COL23A1: variants seen among roughly 807,000 people sequenced by gnomAD.
COL23A1 encodes the protein collagen type XXIII alpha 1 chain.
In COL23A1, 97 loss-of-function variants were observed where a neutral mutation model predicts 99.3. The ratio of observed to expected loss-of-function variants is 0.98; its 90% CI spans 0.83 to 1.16. The LOEUF (loss-of-function observed/expected upper bound fraction) is 1.16. Ranked by LOEUF, COL23A1 falls within the 50% of genes most tolerant of loss-of-function variation. The probability of loss-of-function intolerance (pLI) is 0.00; values close to 1 mark genes in which losing one functional copy is unlikely to be tolerated. For synonymous variants in COL23A1, 320 were observed against 308.2 expected, an observed-to-expected ratio of 1.04 and a Z score of -0.40; for missense variants, 762 against 757.4, an observed-to-expected ratio of 1.01 and a Z score of -0.07.
Position 178,357,992 on chromosome 5 carries a change from G to GTA in COL23A1, c.362-51074_362-51073insTA, listed in dbSNP as rs1561895493. ...TGTATGTGTATATATGTGTGTATGC[G>GTA]TGTGTGTATATGTATGTGTGTGTAT... is the stretch of plus-strand genomic sequence containing the variant. On this transcript the variant is annotated intron_variant, in intron 2 of 28. Coordinates refer to ENST00000390654, the MANE Select transcript of COL23A1 (RefSeq NM_173465.4). Among the ~76,000 whole-genome samples, 16 of 148,748 alleles carry GTA rather than the reference G, an allele frequency of 1.1e-4. 1 individual carries two copies. The highest frequency in any genetic ancestry group is 5.9e-5 in the Non-Finnish European group (4 of 67,554).
intron 2 of COL23A1, among the ~76,000 whole-genome samples, chr5:178,371,032 T>C (rs554990708): frequency 6.6e-6 from 1 of 152,314 alleles, no homozygotes; most frequent in South Asian, 2.1e-4. Flanking sequence ...ATCTTAAGTG[T>C]TCTCATTACA....
intron 3 of COL23A1, among the ~76,000 whole-genome samples, chr5:178,294,345 C>A (rs1207025742): frequency 4.6e-5 from 2 of 43,870 alleles, no homozygotes; most frequent in Non-Finnish European, 6.8e-5. Context: ...GCTCCCTCCC[C>A]AAATCACTAC....
intron 2 of COL23A1, among the ~76,000 whole-genome samples, chr5:178,526,323 G>A (rs1221482259): frequency 1.3e-5 from 2 of 152,194 alleles, no homozygotes; most frequent in Non-Finnish European, 2.9e-5. Context: ...GCCAAGCAAA[G>A]CCCCACACCC....
chr5:178,379,995 C>T (rs1763292462), intron 2 of COL23A1, among the ~76,000 whole-genome samples: 1 of 152,146 alleles, frequency 6.6e-6, no homozygotes, highest in Admixed American at 6.6e-5. Context: ...GCCCCACAGC[C>T]TCAGGTTGGA....
chr5:178,541,443 C>T (rs1761280923), intron 2 of COL23A1, among the ~76,000 whole-genome samples: 1 of 152,122 alleles, frequency 6.6e-6, no homozygotes, highest in African/African-American at 2.4e-5. Flanking sequence ...CAAAAATTAG[C>T]CGGGTGTGGT....
intron 2 of COL23A1, among the ~76,000 whole-genome samples, chr5:178,330,595 A>C (rs1214933076): frequency 6.6e-6 from 1 of 151,842 alleles, no homozygotes; most frequent in African/African-American, 2.4e-5. Context: ...TTGAGGTTGC[A>C]GTGAGCCGAG....
chr5:178,510,917 T>C (rs1055311343), intron 2 of COL23A1, among the ~76,000 whole-genome samples: 10 of 152,126 alleles, frequency 6.6e-5, no homozygotes, highest in African/African-American at 2.4e-4. Flanking sequence ...CACGGAGCCA[T>C]GTGAAGTCAT....
chr5:178,499,679 A>G (rs1186388135), intron 2 of COL23A1, among the ~76,000 whole-genome samples: 1 of 152,244 alleles, frequency 6.6e-6, no homozygotes, highest in Non-Finnish European at 1.5e-5. Context: ...AGTTAATCGT[A>G]TACCTAATAA....
chr5:178,523,151 T>C (rs1273483365), intron 2 of COL23A1, among the ~76,000 whole-genome samples: 6 of 93,092 alleles, frequency 6.4e-5, no homozygotes, highest in African/African-American at 1.7e-4. Flanking sequence ...AAAATATATA[T>C]ATATATATAT....
intron 8 of COL23A1, among the ~76,000 whole-genome samples, chr5:178,264,905 C>T (rs981559832): frequency 5.3e-5 from 8 of 152,206 alleles, no homozygotes; most frequent in Non-Finnish European, 4.4e-5. Context: ...CTTGGCCTCC[C>T]AAAGTGCTGG....
intron 3 of COL23A1, among the ~76,000 whole-genome samples, chr5:178,304,659 T>C (rs1758256309): frequency 6.6e-6 from 1 of 151,846 alleles, no homozygotes. Context: ...ACAAGGCCCA[T>C]CAGAGAGGCA....
chr5:178,478,750 A>C (rs1196744308), intron 2 of COL23A1, among the ~76,000 whole-genome samples: 1 of 152,210 alleles, frequency 6.6e-6, no homozygotes, highest in African/African-American at 2.4e-5. Flanking sequence ...TTGGGTTTAA[A>C]GCAAAGTAGC....
chr5:178,337,267 C>T (rs1760386398), intron 2 of COL23A1, among the ~76,000 whole-genome samples: 1 of 152,264 alleles, frequency 6.6e-6, no homozygotes, highest in African/African-American at 2.4e-5. Context: ...GCGAGGAGAG[C>T]ATGCGTGTTC....
At chr5:178,327,921 C>T (rs899300180) in intron 2 of COL23A1, among the ~76,000 whole-genome samples, 1 of 152,230 alleles carries the variant, frequency 6.6e-6, no homozygotes, top group Admixed American at 6.5e-5. Context: ...CAAAGGACCC[C>T]GGCAAGCCCT....
rs56401219 is a variant in COL23A1, at chr5:178,403,127, T to G, written c.362-96208A>C. ...CCATCTCAAAAAAAAAAAAAATAAA[T>G]AAATAAAAAATAAATACCATTTACC... On this transcript the variant is annotated intron_variant, in intron 2 of 28. Transcript: ENST00000390654. Among the ~76,000 whole-genome samples, 317 of 52,830 alleles carry G rather than the reference T, an allele frequency of 6.0e-3. 26 individuals carry two copies. Among genetic ancestry groups the G allele is most frequent in the African/African-American group, 0.026 (304 of 11,736 alleles). 34.7% of individuals were successfully genotyped at this position (52,830 alleles called of 152,430 possible). A position where few individuals can be genotyped will look rare whatever the true frequency, so the allele number is the denominator to read the frequency against.
In COL23A1 at chr5:178,261,745, G is replaced by C; in HGVS notation, c.679C>G (p.Pro227Ala). The change falls in exon 11 of 29, where the codon CCA (proline) becomes GCA (alanine). Residue 227 changes from proline (P) to alanine (A), a missense_variant. Pro to Ala is a conservative substitution (Grantham distance 27, BLOSUM62 -1). Coordinates refer to ENST00000390654, the MANE Select transcript of COL23A1 (RefSeq NM_173465.4). ...ACCTTGGGCCCTGGGGGTCCCTTTG[G>C]GCCCTGGAACAAGAGAAGAGAAGGT... is the stretch of plus-strand genomic sequence containing the variant. ...GEPGQDGEMG[P>A]KGPPGPKGEP... 1 of 1,608,848 alleles carries C rather than the reference G, an allele frequency of 6.2e-7. No individual in the cohort carries two copies.
intron 2 of COL23A1, among the ~76,000 whole-genome samples, chr5:178,320,534 G>A (rs555368489): frequency 1.0e-3 from 158 of 152,344 alleles, no homozygotes; most frequent in Non-Finnish European, 1.5e-3. Flanking sequence ...AGGAAGCCGC[G>A]CCAGCTGTGC....
chr5:178,309,793 C>A lies in COL23A1; in HGVS notation c.362-2874G>T, dbSNP rs1356348797. Among the ~76,000 whole-genome samples the A allele has an allele frequency of 6.6e-6, 1 of 152,098 alleles. No homozygotes were observed. Among genetic ancestry groups the A allele is most frequent in the Non-Finnish European group, 1.5e-5 (1 of 68,018 alleles). Reference sequence around the variant, plus strand: ...AACGCTGCCCCTGCACTCAGTCCCCCACTCTGCCACTCGCTCTGCTGTGCT... The same window carrying A: ...AACGCTGCCCCTGCACTCAGTCCCCAACTCTGCCACTCGCTCTGCTGTGCT... On this transcript the variant is annotated intron_variant, in intron 2 of 28. Transcript: ENST00000390654. The surrounding 1 kb of genome is among the most constrained non-coding windows in gnomAD (Gnocchi z 4.7).
intron 2 of COL23A1, among the ~76,000 whole-genome samples, chr5:178,456,429 T>C (rs1250026466): frequency 6.6e-6 from 1 of 152,210 alleles, no homozygotes; most frequent in African/African-American, 2.4e-5. Context: ...CCGGGCATGG[T>C]GGCTCACGCC....
Sources: allele counts gnomAD v4.1 joint callset (sites outside exome capture counted in the v4.1 genomes callset), GRCh38; gene constraint gnomAD v4.1.1; non-coding constraint Gnocchi (gnomAD v3.1); transcripts MANE v1.5; gene names NCBI Gene and HGNC (gene_info 2026-07-23, HGNC 2026-07-21).